ATM: variants seen among roughly 807,000 people sequenced by gnomAD.
ATM encodes serine-protein kinase ATM.
A neutral mutation model predicts 387.0 loss-of-function variants in ATM; 308 were observed. The observed-to-expected ratio is 0.80, with a 90% confidence interval of 0.73 to 0.87. The LOEUF is 0.87. Ranked by LOEUF, ATM falls within the 40% of genes least tolerant of loss-of-function variation. ATM has a pLI of 0.00. For synonymous variants in ATM, 1,156 were observed against 1,187.3 expected, an observed-to-expected ratio of 0.97 and a Z score of 0.54; for missense variants, 3,312 against 3,560.9, an observed-to-expected ratio of 0.93 and a Z score of 1.78.
chr11:108,296,125 T>C (rs2135849958), intron 32 of ATM: 1 of 152,360 alleles, frequency 6.6e-6, no homozygotes, highest in Non-Finnish European at 1.5e-5. Flanking sequence ...TATATATATG[T>C]AAGTATGTAT....
intron 22 of ATM, among the ~76,000 whole-genome samples, chr11:108,275,819 G>C (rs1259781976): frequency 6.6e-6 from 1 of 152,202 alleles, no homozygotes; most frequent in Non-Finnish European, 1.5e-5. Context: ...TTCAACCTTG[G>C]TGAATCTGAT....
At chr11:108,244,671 C>G in intron 6 of ATM, 117 bp from the exon 7 acceptor site, 1 of 833,216 alleles carries the variant, frequency 1.2e-6, no homozygotes, top group Non-Finnish European at 2.0e-6. Flanking sequence ...ATTAAGACTA[C>G]TGTTTGAAAA....
chr11:108,312,350 T>C, intron 39 of ATM, 61 bp from the exon 40 acceptor site: 1 of 1,239,980 alleles, frequency 8.1e-7, no homozygotes, highest in Non-Finnish European at 1.2e-6. Flanking sequence ...CTATAGTATA[T>C]GTATTCAGGA....
chr11:108,354,070 A>ACACACACACACACACACACACACAC (rs2089570249), intron 60 of ATM, among the ~76,000 whole-genome samples, 190 bp downstream of exon 60: 1 of 114,832 alleles, frequency 8.7e-6, no homozygotes, highest in Non-Finnish European at 1.9e-5. Flanking sequence ...CACACACACA[A>ACACACACACACACACACACACACAC]ACACACACAC....
At chr11:108,267,041 C>G in intron 16 of ATM, 130 bp from the exon 17 acceptor site, 1 of 882,356 alleles carries the variant, frequency 1.1e-6, no homozygotes, top group Non-Finnish European at 1.8e-6. Context: ...GGTGATCCAC[C>G]TGGCTCTGCC....
At chr11:108,356,016 G>A (rs1361335380) in intron 61 of ATM, 3 of 152,174 alleles carry the variant, frequency 2.0e-5, no homozygotes, top group Non-Finnish European at 4.4e-5. Context: ...CCAAGGCTGT[G>A]CTATTCCCAA....
At chr11:108,271,655 A>G (rs1196284098) in intron 20 of ATM, among the ~76,000 whole-genome samples, 3 of 152,242 alleles carry the variant, frequency 2.0e-5, no homozygotes, top group Non-Finnish European at 4.4e-5. Context: ...ATAATTTGAC[A>G]TGTATAGTGA....
At chr11:108,354,220 A>G (rs907010529) in intron 60 of ATM, among the ~76,000 whole-genome samples, 2 of 151,984 alleles carry the variant, frequency 1.3e-5, no homozygotes, top group Admixed American at 6.6e-5. Context: ...TCTTCCTTCC[A>G]CCCACCTGGG....
intron 35 of ATM, among the ~76,000 whole-genome samples, chr11:108,302,353 C>T (rs1473408489): frequency 6.6e-6 from 1 of 152,108 alleles, no homozygotes; most frequent in Admixed American, 6.5e-5. Context: ...GTTTAGTTTT[C>T]ACCAATTTAA....
chr11:108,357,006 G>C (rs982200571), intron 61 of ATM, among the ~76,000 whole-genome samples: 14 of 152,336 alleles, frequency 9.2e-5, no homozygotes, highest in Non-Finnish European at 2.1e-4. Context: ...CAGAAGACAG[G>C]TGATTTCTGC....
At chr11:108,252,744 G>A (rs1016285780) in intron 11 of ATM, 73 bp from the exon 12 acceptor site, 1 of 1,014,408 alleles carries the variant, frequency 9.9e-7, no homozygotes, top group East Asian at 2.5e-5. Context: ...AGCTAAACAT[G>A]GATGTTAAAG....
intron 56 of ATM, among the ~76,000 whole-genome samples, chr11:108,339,591 G>C (rs1565550814): frequency 6.6e-6 from 1 of 152,024 alleles, no homozygotes; most frequent in South Asian, 2.1e-4. Context: ...TAGTACCAGA[G>C]AAAACACTGT....
intron 59 of ATM, among the ~76,000 whole-genome samples, chr11:108,352,601 T>C (rs562668393): frequency 5.8e-4 from 89 of 152,276 alleles, no homozygotes; most frequent in African/African-American, 1.9e-3. Flanking sequence ...AAAATGGCCA[T>C]GTACTACAAA....
chr11:108,319,982 G>C lies in ATM; in HGVS notation c.6376G>C (p.Glu2126Gln), dbSNP rs1555116399. 1 of 1,612,596 alleles carries C rather than the reference G, an allele frequency of 6.2e-7. No individual in the cohort carries two copies. The highest frequency in any genetic ancestry group is 8.5e-7 in the Non-Finnish European group (1 of 1,178,842). ...AGAAGTAGAAGGAACCAGTTACCAT[G>C]AATCATTGTACAATGCTCTACAATC... ...SKEVEGTSYH[E>Q]SLYNALQSLR... The change falls in exon 44 of 63, where the codon GAA becomes CAA. Residue 2126 changes from glutamate to glutamine, a missense_variant. Physicochemically the swap from Glu to Gln is conservative, Grantham distance 29. Around this residue, in one of 4 missense-constraint regions of ATM, gnomAD observed 1,405 missense variants for 1,604.4 expected, o/e 0.88. Coordinates refer to ENST00000675843, the MANE Select transcript of ATM (RefSeq NM_000051.4).
intron 18 of ATM, among the ~76,000 whole-genome samples, chr11:108,270,255 A>C (rs1312198519): frequency 6.6e-6 from 1 of 152,170 alleles, no homozygotes; most frequent in African/African-American, 2.4e-5. Flanking sequence ...AAGGTTTTTG[A>C]CTTCTTCCCT....
chr11:108,234,054 A>G (rs548994234), intron 4 of ATM, among the ~76,000 whole-genome samples: 8 of 152,310 alleles, frequency 5.3e-5, no homozygotes, highest in African/African-American at 1.9e-4. Flanking sequence ...CAGAATATAG[A>G]GATTAATTCC....
chr11:108,330,113 A>C (rs2086096563), intron 49 of ATM, 101 bp from the exon 50 acceptor site: 184 of 1,389,460 alleles, frequency 1.3e-4, no homozygotes, highest in Non-Finnish European at 1.6e-4. Flanking sequence ...CCCTGGGATA[A>C]AAACCCAACT....
intron 58 of ATM, chr11:108,346,547 T>C (rs1422900245): frequency 6.6e-6 from 1 of 152,414 alleles, no homozygotes; most frequent in African/African-American, 2.4e-5. Flanking sequence ...ACTTACATAC[T>C]ATACCCCAGG....
chr11:108,278,001 A>G (rs2082038439), intron 22 of ATM, among the ~76,000 whole-genome samples: 1 of 152,162 alleles, frequency 6.6e-6, no homozygotes, highest in Non-Finnish European at 1.5e-5. Context: ...TTGGCATGTG[A>G]TAGGTATCCA....
Sources: allele counts gnomAD v4.1 joint callset (sites outside exome capture counted in the v4.1 genomes callset), GRCh38; gene constraint gnomAD v4.1.1; regional missense constraint gnomAD v4.1.1; transcripts MANE v1.5; gene names NCBI Gene and HGNC (gene_info 2026-07-23, HGNC 2026-07-21).